Variants in CIB1 observed in about 807,000 individuals in gnomAD.
CIB1 encodes the protein calcium and integrin binding 1, also known as calcium and integrin-binding protein 1.
In CIB1, 19 loss-of-function variants were observed where a neutral mutation model predicts 25.0. The observed-to-expected ratio is 0.76, with a 90% confidence interval of 0.53 to 1.12. The LOEUF is 1.12. CIB1 is among the 50% of genes most tolerant of loss of function. The pLI is 0.00. For missense variants in CIB1, 236 were observed against 242.6 expected, an observed-to-expected ratio of 0.97 and a Z score of 0.18; for synonymous variants, 104 against 98.5, an observed-to-expected ratio of 1.06 and a Z score of -0.33.
chr15:90,231,170 C>G lies in CIB1; in HGVS notation c.390G>C (p.Arg130=), dbSNP rs775122177. 1.2e-6 allele frequency: 2 copies of G among 1,614,104 alleles called. No homozygotes were observed. The highest frequency in any genetic ancestry group is 1.7e-6 in the Non-Finnish European group (2 of 1,180,032). Reference sequence around the variant, plus strand: ...CCTCTCCCGTGAGGCAGTTCACCAGCCGGCTCAGGTCTTCTCTGTTCAAGG... The same window carrying G: ...CCTCTCCCGTGAGGCAGTTCACCAGGCGGCTCAGGTCTTCTCTGTTCAAGG... ...DGTLNREDLS[R]LVNCLTGEGE... Residue 130 remains arginine (R), a synonymous_variant, in exon 5 of 7, where the codon CGG becomes CGC. Transcript: ENST00000328649.
At chr15:90,259,523 GT>G in the CIB1 span, among the ~76,000 whole-genome samples, 1 of 152,082 alleles carries the variant, frequency 6.6e-6, no homozygotes, top group African/African-American at 2.4e-5. Flanking sequence ...ACTATCATAT[GT>G]ATATAGTACG....
Position 90,232,252 on chromosome 15 carries a change from G to C in CIB1, c.162C>G (p.Pro54=). The change falls in exon 3 of 7, where the codon CCC becomes CCG. Residue 54 remains proline, a synonymous_variant. Transcript: ENST00000328649. ...CTGGAAGGCTGAGAATCTGCTCGAA[G>C]GGCACTTGTGCCCGAAGTGACGACT... ...SVESSLRAQV[P]FEQILSLPEL... is the part of the protein sequence containing the mutation. The C allele has an allele frequency of 1.2e-6, 2 of 1,612,886 alleles. No homozygotes were observed. The highest frequency in any genetic ancestry group is 1.7e-6 in the Non-Finnish European group (2 of 1,179,094).
At chr15:90,246,787 C>CAAAAAAAAAAAAAA in the CIB1 span, among the ~76,000 whole-genome samples, 8 of 45,202 alleles carry the variant, frequency 1.8e-4, 1 homozygote, top group South Asian at 1.0e-3. Context: ...GACTCTGTCT[C>CAAAAAAAAAAAAAA]AAAAAAAAAA....
At chr15:90,232,519 G>T in intron 2 of CIB1, 192 bp from the exon 3 acceptor site, 1 of 778,356 alleles carries the variant, frequency 1.3e-6, no homozygotes, top group Non-Finnish European at 1.9e-6. Flanking sequence ...GTCTATTCTT[G>T]CAATGAGTAT....
chr15:90,255,938 C>T, the CIB1 span: 1 of 1,612,242 alleles, frequency 6.2e-7, no homozygotes, highest in Non-Finnish European at 8.5e-7. Flanking sequence ...AAAAGGGTCG[C>T]TCTCAGAGCT....
the CIB1 span, among the ~76,000 whole-genome samples, chr15:90,261,286 C>G: frequency 2.0e-5 from 3 of 151,268 alleles, no homozygotes; most frequent in African/African-American, 7.3e-5. Flanking sequence ...GCTATGTTGG[C>G]CAGGCTGGTC....
rs780340928 is a variant in CIB1, at chr15:90,232,261, T to C, written c.153A>G (p.Ala51=). ...EQRSVESSLR[A]QVPFEQILSL... is the part of the protein sequence containing the mutation. ...TGAGAATCTGCTCGAAGGGCACTTG[T>C]GCCCGAAGTGACGACTCCACGCTCC... Residue 51 remains alanine (A), a synonymous_variant, in exon 3 of 7, where the codon GCA becomes GCG. Coordinates refer to ENST00000328649, the MANE Select transcript of CIB1 (RefSeq NM_006384.4). 2 of 1,612,938 alleles carry C rather than the reference T, an allele frequency of 1.2e-6. No homozygotes were observed. The highest frequency in any genetic ancestry group is 1.7e-5 in the Admixed American group (1 of 59,956).
At chr15:90,255,844 T>C in the CIB1 span, 33 of 1,614,058 alleles carry the variant, frequency 2.0e-5, no homozygotes, top group Non-Finnish European at 2.5e-5. Context: ...TCTATCCCTC[T>C]GAGTACAACA....
At chr15:90,250,656 T>G in the CIB1 span, 1 of 1,613,988 alleles carries the variant, frequency 6.2e-7, no homozygotes, top group Admixed American at 1.7e-5. Context: ...TGTAGGACCA[T>G]GGAATCAGAG....
chr15:90,262,819 T>C, the CIB1 span: 6 of 1,224,680 alleles, frequency 4.9e-6, no homozygotes, highest in Non-Finnish European at 4.4e-6. Context: ...CTTTGGAAGA[T>C]GAAGTGAGAG....
the CIB1 span, chr15:90,241,488 C>T: frequency 6.2e-7 from 1 of 1,613,768 alleles, no homozygotes. Flanking sequence ...TGAGGCTGTG[C>T]TGCTGAGCTT....
In CIB1 at chr15:90,230,370, A is replaced by G. The variant is rs573429974; in HGVS notation, c.*114T>C. Reference sequence around the variant, plus strand: ...GCCCGGGGTGAGGCTGCACAGCGCCAGCTCCAGGCTGGGCCAGCTTGGCCC... The same window carrying G: ...GCCCGGGGTGAGGCTGCACAGCGCCGGCTCCAGGCTGGGCCAGCTTGGCCC... On this transcript the variant is annotated 3_prime_UTR_variant, in exon 7 of 7. Coordinates refer to ENST00000328649, the MANE Select transcript of CIB1 (RefSeq NM_006384.4). 27 of 1,271,642 alleles carry G rather than the reference A, an allele frequency of 2.1e-5. No homozygotes were observed. The highest frequency in any genetic ancestry group is 3.0e-5 in the Non-Finnish European group (27 of 903,712). The allele number at this position is 1,271,642 out of a possible 1,614,324, so 78.8% of individuals were successfully genotyped here. A position where few individuals can be genotyped will look rare whatever the true frequency, so the allele number is the denominator to read the frequency against.
the CIB1 span, among the ~76,000 whole-genome samples, chr15:90,245,966 C>T: frequency 1.3e-5 from 2 of 152,046 alleles, no homozygotes; most frequent in South Asian, 2.1e-4. Flanking sequence ...GACCTCCCCA[C>T]GTTTTTGCTT....
At chr15:90,256,606 T>TTCCTTTCC in the CIB1 span, among the ~76,000 whole-genome samples, 6 of 30,510 alleles carry the variant, frequency 2.0e-4, no homozygotes, top group Non-Finnish European at 2.5e-4. Context: ...TCTTTCTTTC[T>TTCCTTTCC]TTCCTTCCTT....
intron 2 of CIB1, among the ~76,000 whole-genome samples, chr15:90,232,959 A>C (rs1460315387): frequency 6.6e-6 from 1 of 151,216 alleles, no homozygotes; most frequent in Non-Finnish European, 1.5e-5. Flanking sequence ...AAAGAGCAAA[A>C]CCAAAAATCT....
chr15:90,232,076 C>T, intron 3 of CIB1, 143 bp downstream of exon 3: 1 of 643,432 alleles, frequency 1.6e-6, no homozygotes, highest in Middle Eastern at 4.4e-4. Context: ...AGTCCTTGCC[C>T]CTAGAAAATC....
At chr15:90,251,280 A>ATTTTTTTTTTTTTTTTTTTT in the CIB1 span, among the ~76,000 whole-genome samples, 1 of 109,518 alleles carries the variant, frequency 9.1e-6, no homozygotes, top group Non-Finnish European at 1.8e-5. Flanking sequence ...CGCATGGCAA[A>ATTTTTTTTTTTTTTTTTTTT]TTTTTTTTTT....
At chr15:90,258,779 C>T in the CIB1 span, 2 of 1,614,196 alleles carry the variant, frequency 1.2e-6, no homozygotes, top group East Asian at 2.2e-5. Context: ...GGACTCATGC[C>T]TTGATCAAGA....
chr15:90,262,007 A>C, the CIB1 span: 5 of 1,531,656 alleles, frequency 3.3e-6, no homozygotes, highest in Non-Finnish European at 4.4e-6. Context: ...TTTCCACAGG[A>C]AAGAAAAAAC....
Sources: gnomAD v4.1 joint callset for allele counts (sites outside exome capture counted in the v4.1 genomes callset) on GRCh38, gnomAD v4.1.1 for gene constraint, MANE v1.5 for transcripts, NCBI Gene and HGNC (gene_info 2026-07-23, HGNC 2026-07-21) for gene names.